Variants in CACNA2D3 observed in about 807,000 individuals in gnomAD.
The protein encoded by CACNA2D3 is voltage-dependent calcium channel subunit alpha-2/delta-3.
A neutral mutation model predicts 160.6 loss-of-function variants in CACNA2D3; 60 were observed. That is an observed-to-expected ratio of 0.37 (90% CI 0.30 to 0.46). CACNA2D3 has a LOEUF of 0.46. Ranked by LOEUF, CACNA2D3 falls within the 20% of genes least tolerant of loss-of-function variation. CACNA2D3 has a pLI of 1.00. For synonymous variants in CACNA2D3, 558 were observed against 492.9 expected, an observed-to-expected ratio of 1.13 and a Z score of -1.75; for missense variants, 1,205 against 1,365.0, an observed-to-expected ratio of 0.88 and a Z score of 1.85.
intron 5 of CACNA2D3, among the ~76,000 whole-genome samples, chr3:54,541,278 G>T (rs1176639541): frequency 3.7e-5 from 3 of 81,712 alleles, no homozygotes; most frequent in East Asian, 7.1e-4. Flanking sequence ...CTCCGTCTCA[G>T]AAAAAAAAAA....
At chr3:54,475,577 A>G (rs1188179776) in intron 4 of CACNA2D3, among the ~76,000 whole-genome samples, 1 of 152,078 alleles carries the variant, frequency 6.6e-6, no homozygotes, top group Non-Finnish European at 1.5e-5. Context: ...GAGCTGCTGA[A>G]GTTCCCTTCC....
chr3:54,279,660 G>T (rs190328787), intron 2 of CACNA2D3, among the ~76,000 whole-genome samples: 19 of 152,330 alleles, frequency 1.2e-4, no homozygotes, highest in Admixed American at 1.1e-3. Context: ...CAGCCCTGTT[G>T]TACCTACAGG....
intron 4 of CACNA2D3, among the ~76,000 whole-genome samples, chr3:54,469,138 C>T (rs1426162193): frequency 6.6e-6 from 1 of 152,166 alleles, no homozygotes; most frequent in African/African-American, 2.4e-5. Flanking sequence ...TTGGGAGACA[C>T]CTCCCAGCAA....
chr3:55,017,318 C>G (rs116029201), intron 34 of CACNA2D3, among the ~76,000 whole-genome samples: 1,629 of 152,260 alleles, frequency 0.011, 34 homozygotes, highest in African/African-American at 0.036. Flanking sequence ...CTCCAAACTT[C>G]TCTTACTTCA....
intron 11 of CACNA2D3, among the ~76,000 whole-genome samples, chr3:54,724,619 C>G (rs1336997750): frequency 2.6e-5 from 4 of 152,096 alleles, no homozygotes; most frequent in Non-Finnish European, 4.4e-5. Flanking sequence ...AAGAAACTCA[C>G]TCAAAACCAC....
intron 29 of CACNA2D3, among the ~76,000 whole-genome samples, chr3:54,972,309 T>G (rs1702292197): frequency 6.6e-6 from 1 of 152,222 alleles, no homozygotes; most frequent in South Asian, 2.1e-4. Flanking sequence ...GAAGCTGTCA[T>G]CCGTTGTCCT....
chr3:54,701,766 A>G (rs1233403046), intron 11 of CACNA2D3, among the ~76,000 whole-genome samples: 1 of 152,214 alleles, frequency 6.6e-6, no homozygotes, highest in Non-Finnish European at 1.5e-5. Flanking sequence ...TCATGGAACC[A>G]AAAATGAGTC....
At chr3:54,598,326 A>AAAAG (rs1702997598) in intron 9 of CACNA2D3, among the ~76,000 whole-genome samples, 2 of 149,996 alleles carry the variant, frequency 1.3e-5, no homozygotes, top group Admixed American at 6.6e-5. Flanking sequence ...AAAAAAAAAA[A>AAAAG]AAAAAAGAAG....
rs535427387 is a variant in CACNA2D3 at position 54,802,265 on chromosome 3, AGCAGACTG to A, written c.1381-14584_1381-14577del. Among the ~76,000 whole-genome samples the A allele has an allele frequency of 3.2e-4, 49 of 152,274 alleles. No homozygotes were observed. The South Asian group carries it at 9.7e-3, about 30-fold the overall frequency. ...AGAAGGAAGGTGGAGTGAAGGAAGTAGCAGACTGGCACTCATGGGAAAGCTGGGGTAGG... is the reference window on the plus strand; with the variant it reads ...AGAAGGAAGGTGGAGTGAAGGAAGTAGCACTCATGGGAAAGCTGGGGTAGG... On this transcript the variant is annotated intron_variant, in intron 13 of 37. Coordinates refer to ENST00000474759, the MANE Select transcript of CACNA2D3 (RefSeq NM_018398.3).
chr3:54,617,508 G>A (rs1357124755), intron 9 of CACNA2D3, among the ~76,000 whole-genome samples: 1 of 152,202 alleles, frequency 6.6e-6, no homozygotes, highest in Non-Finnish European at 1.5e-5. Context: ...AAGTTGGCCT[G>A]ATCAGAGTAT....
intron 2 of CACNA2D3, among the ~76,000 whole-genome samples, chr3:54,219,909 AACT>A (rs993951189): frequency 6.6e-6 from 1 of 152,180 alleles, no homozygotes; most frequent in Non-Finnish European, 1.5e-5. Flanking sequence ...ATTAAAAAAA[AACT>A]ACTATCTTTC....
intron 2 of CACNA2D3, among the ~76,000 whole-genome samples, chr3:54,280,118 G>A (rs1351784597): frequency 1.3e-5 from 2 of 151,944 alleles, no homozygotes; most frequent in Non-Finnish European, 2.9e-5. Context: ...GTCTTGTTCT[G>A]TTGCCCAGGC....
chr3:54,748,325 C>G (rs1017617075), intron 11 of CACNA2D3, among the ~76,000 whole-genome samples: 3 of 152,152 alleles, frequency 2.0e-5, no homozygotes, highest in African/African-American at 7.2e-5. Context: ...GGGTACCCCT[C>G]TCAGTTTCTG....
chr3:54,977,022 T>C (rs1156991752), intron 29 of CACNA2D3, among the ~76,000 whole-genome samples: 1 of 152,222 alleles, frequency 6.6e-6, no homozygotes, highest in African/African-American at 2.4e-5. Context: ...GTGTTTATTT[T>C]TTAAATAAAT....
At chr3:54,887,784 A>AG (rs1342506904) in intron 23 of CACNA2D3, among the ~76,000 whole-genome samples, 175 bp from the exon 24 acceptor site, 16 of 152,290 alleles carry the variant, frequency 1.1e-4, no homozygotes, top group African/African-American at 3.6e-4. Flanking sequence ...CCTGTGTTGC[A>AG]GGCATACCAG....
intron 3 of CACNA2D3, among the ~76,000 whole-genome samples, chr3:54,332,617 G>A (rs1704290729): frequency 6.7e-6 from 1 of 150,010 alleles, no homozygotes; most frequent in East Asian, 1.9e-4. Flanking sequence ...TGCCTGTCGG[G>A]AGTGGGATGA....
intron 24 of CACNA2D3, among the ~76,000 whole-genome samples, chr3:54,889,331 AGG>A (rs1700001630): frequency 6.6e-6 from 1 of 152,168 alleles, no homozygotes; most frequent in Admixed American, 6.5e-5. Flanking sequence ...TGGAGAACAG[AGG>A]GTGATGGGGT....
chr3:54,603,486 A>G lies in CACNA2D3; in HGVS notation c.963+21609A>G, dbSNP rs560882008. 2.4e-4 allele frequency among the ~76,000 whole-genome samples: 37 copies of G among 152,184 alleles called. 1 individual carries two copies. Among genetic ancestry groups the G allele is most frequent in the African/African-American group, 8.2e-4 (34 of 41,526 alleles). On this transcript the variant is annotated intron_variant, in intron 9 of 37. Coordinates refer to ENST00000474759, the MANE Select transcript of CACNA2D3 (RefSeq NM_018398.3). ...GACTCAACTTCCTTCCTCTGTGACTATGTCTCAGCATCAGTCTAGCTTTCT... is the reference window on the plus strand; with the variant it reads ...GACTCAACTTCCTTCCTCTGTGACTGTGTCTCAGCATCAGTCTAGCTTTCT...
At chr3:54,597,111 C>A (rs976243441) in intron 9 of CACNA2D3, among the ~76,000 whole-genome samples, 1 of 152,222 alleles carries the variant, frequency 6.6e-6, no homozygotes, top group Non-Finnish European at 1.5e-5. Flanking sequence ...CCAACCTCAT[C>A]CCCTACTGCA....
Sources: gnomAD v4.1 joint callset for allele counts (sites outside exome capture counted in the v4.1 genomes callset) on GRCh38, gnomAD v4.1.1 for gene constraint, MANE v1.5 for transcripts, NCBI Gene and HGNC (gene_info 2026-07-23, HGNC 2026-07-21) for gene names.